Variants in SAMD4A observed in about 807,000 individuals in gnomAD.
SAMD4A encodes the protein protein Smaug homolog 1.
A neutral mutation model predicts 81.3 loss-of-function variants in SAMD4A; 33 were observed. That is an observed-to-expected ratio of 0.41 (90% CI 0.31 to 0.54). SAMD4A has a LOEUF of 0.54. Among genes scored for constraint, SAMD4A ranks in the 20% least tolerant of loss-of-function variants. The pLI is 0.37. For synonymous variants in SAMD4A, 389 were observed against 382.1 expected (o/e 1.02, Z -0.21); for missense variants, 854 against 951.1 (o/e 0.90, Z 1.34).
intron 2 of SAMD4A, among the ~76,000 whole-genome samples, chr14:54,629,564 T>C (rs145418495): frequency 6.6e-6 from 1 of 152,362 alleles, no homozygotes; most frequent in African/African-American, 2.4e-5. Flanking sequence ...ATGTTAGTTT[T>C]TATATAATGA....
chr14:54,642,381 A>G (rs767686630), intron 2 of SAMD4A, among the ~76,000 whole-genome samples: 11 of 152,212 alleles, frequency 7.2e-5, no homozygotes, highest in Non-Finnish European at 1.3e-4. Flanking sequence ...GGTGGTGGGT[A>G]GAGGAGACAC....
chr14:54,632,219 A>C (rs2034920184), intron 2 of SAMD4A, among the ~76,000 whole-genome samples: 1 of 152,228 alleles, frequency 6.6e-6, no homozygotes, highest in African/African-American at 2.4e-5. Context: ...TATTAGATAT[A>C]CAAAAAAAAT....
intron 3 of SAMD4A, chr14:54,734,859 C>G (rs528827360): frequency 3.3e-5 from 5 of 152,246 alleles, no homozygotes; most frequent in Non-Finnish European, 2.9e-5. Context: ...GTTATGGCCT[C>G]TAACCAGCCC....
chr14:54,774,905 T>C (rs772597482), intron 9 of SAMD4A, 29 bp from the exon 10 acceptor site: 9 of 1,612,312 alleles, frequency 5.6e-6, no homozygotes, highest in Non-Finnish European at 5.9e-6. Flanking sequence ...ACGACTGATA[T>C]TCTCTTCCTT....
At chr14:54,755,205 G>A (rs760866688) in intron 6 of SAMD4A, among the ~76,000 whole-genome samples, 3 of 152,288 alleles carry the variant, frequency 2.0e-5, no homozygotes, top group East Asian at 3.9e-4. Flanking sequence ...TGATTGTGAC[G>A]AGGCTTGGGT....
At chr14:54,700,384 A>G (rs1251898965) in intron 2 of SAMD4A, among the ~76,000 whole-genome samples, 3 of 152,206 alleles carry the variant, frequency 2.0e-5, no homozygotes, top group African/African-American at 7.2e-5. Context: ...ATGCTCTTTC[A>G]TTATATACCA....
chr14:54,661,725 G>C (rs557268657), intron 2 of SAMD4A, among the ~76,000 whole-genome samples: 3 of 152,330 alleles, frequency 2.0e-5, no homozygotes, highest in African/African-American at 7.2e-5. Flanking sequence ...AAAAAGGTTA[G>C]TGGGAGCGTG....
chr14:54,702,778 G>A, intron 3 of SAMD4A, 198 bp downstream of exon 3: 1 of 621,512 alleles, frequency 1.6e-6, no homozygotes, highest in Non-Finnish European at 2.7e-6. Flanking sequence ...TACTTGGGAA[G>A]GTAAAAGTGA....
At chr14:54,628,553 C>A (rs987813553) in intron 2 of SAMD4A, among the ~76,000 whole-genome samples, 15 of 152,088 alleles carry the variant, frequency 9.9e-5, no homozygotes, top group Admixed American at 9.8e-4. Context: ...TGCTCTGTCC[C>A]CAAGAATGCT....
intron 5 of SAMD4A, among the ~76,000 whole-genome samples, chr14:54,749,630 T>C (rs759295292): frequency 3.9e-5 from 6 of 152,200 alleles, no homozygotes; most frequent in Non-Finnish European, 7.3e-5. Context: ...CTTTCCCCGA[T>C]GTGGATGCCA....
At chr14:54,598,478 ATAT>A (rs1467545748) in intron 2 of SAMD4A, among the ~76,000 whole-genome samples, 2 of 152,222 alleles carry the variant, frequency 1.3e-5, no homozygotes, top group Non-Finnish European at 2.9e-5. Context: ...TACTTGGTAG[ATAT>A]TATTATGATT....
intron 9 of SAMD4A, among the ~76,000 whole-genome samples, chr14:54,774,032 T>G (rs1180442846): frequency 6.6e-6 from 1 of 152,246 alleles, no homozygotes; most frequent in East Asian, 1.9e-4. Flanking sequence ...TGACCCTGAC[T>G]CTGCTGTTTT....
chr14:54,682,114 C>T (rs2036141531), intron 2 of SAMD4A: 2 of 946,574 alleles, frequency 2.1e-6, no homozygotes, highest in South Asian at 9.7e-5. Flanking sequence ...TCTTATCCCA[C>T]AATGTTTGGG....
intron 2 of SAMD4A, among the ~76,000 whole-genome samples, chr14:54,609,918 A>C (rs1322395850): frequency 6.6e-6 from 1 of 152,114 alleles, no homozygotes; most frequent in Non-Finnish European, 1.5e-5. Flanking sequence ...TGAGGCATTG[A>C]TTTGCTTTTG....
intron 2 of SAMD4A, among the ~76,000 whole-genome samples, chr14:54,635,106 G>A (rs1470024973): frequency 6.6e-6 from 1 of 152,146 alleles, no homozygotes; most frequent in East Asian, 1.9e-4. Flanking sequence ...ATAATTAAGA[G>A]CAGTGCCTTT....
intron 2 of SAMD4A, among the ~76,000 whole-genome samples, chr14:54,662,803 G>A (rs1159030281): frequency 6.6e-6 from 1 of 152,114 alleles, no homozygotes; most frequent in African/African-American, 2.4e-5. Flanking sequence ...GTGTGGGGCT[G>A]CTATGGCCCT....
At chr14:54,681,336 C>T (rs971269720) in intron 2 of SAMD4A, among the ~76,000 whole-genome samples, 3 of 152,160 alleles carry the variant, frequency 2.0e-5, no homozygotes, top group African/African-American at 7.2e-5. Context: ...ATGATAGATA[C>T]TAATCAGACA....
chr14:54,613,644 A>G (rs1229421331), intron 2 of SAMD4A, among the ~76,000 whole-genome samples: 1 of 152,180 alleles, frequency 6.6e-6, no homozygotes, highest in African/African-American at 2.4e-5. Context: ...GATGAATGAT[A>G]TGTTTGCATT....
At chr14:54,601,816 A>G (rs149774700) in intron 2 of SAMD4A, among the ~76,000 whole-genome samples, 1 of 152,366 alleles carries the variant, frequency 6.6e-6, no homozygotes, top group African/African-American at 2.4e-5. Flanking sequence ...AGAATACTCT[A>G]ACCCCTCAGA....
Sources: allele counts gnomAD v4.1 joint callset (sites outside exome capture counted in the v4.1 genomes callset), GRCh38; gene constraint gnomAD v4.1.1; transcripts MANE v1.5; gene names NCBI Gene and HGNC (gene_info 2026-07-23, HGNC 2026-07-21).